MAGI2: variants seen among roughly 807,000 people sequenced by gnomAD.
MAGI2 encodes membrane-associated guanylate kinase, WW and PDZ domain-containing protein 2.
A neutral mutation model predicts 133.3 loss-of-function variants in MAGI2; 35 were observed. The ratio of observed to expected loss-of-function variants is 0.26; its 90% CI spans 0.20 to 0.35. The LOEUF (loss-of-function observed/expected upper bound fraction) is 0.35. Among genes scored for constraint, MAGI2 ranks in the 10% least tolerant of loss-of-function variants. The pLI is 1.00. For synonymous variants in MAGI2, 729 were observed against 710.6 expected (o/e 1.03, Z -0.41); for missense variants, 1,636 against 1,863.4 (o/e 0.88, Z 2.25).
At chr7:78,181,601 G>A (rs1827193582) in intron 13 of MAGI2, among the ~76,000 whole-genome samples, 1 of 152,068 alleles carries the variant, frequency 6.6e-6, no homozygotes, top group African/African-American at 2.4e-5. Flanking sequence ...TTAGAAGTTG[G>A]GTCCTCGGAT....
At chr7:78,608,467 GTA>G (rs202198681) in intron 3 of MAGI2, among the ~76,000 whole-genome samples, 7,153 of 147,796 alleles carry the variant, frequency 0.048, 239 homozygotes, top group East Asian at 0.08. Context: ...ATATGTGTGT[GTA>G]TGTATATATA....
At chr7:78,118,984 T>C (rs557280806) in intron 20 of MAGI2, among the ~76,000 whole-genome samples, 21 of 152,254 alleles carry the variant, frequency 1.4e-4, no homozygotes, top group Non-Finnish European at 2.8e-4. Flanking sequence ...CTAAAAGAAA[T>C]GAACTGTTAA....
intron 2 of MAGI2, among the ~76,000 whole-genome samples, chr7:78,957,230 A>G (rs1340459709): frequency 2.1e-5 from 3 of 143,500 alleles, no homozygotes; most frequent in South Asian, 4.4e-4. Context: ...GCGCCATTGC[A>G]CTCCAGCCTG....
intron 1 of MAGI2, among the ~76,000 whole-genome samples, chr7:79,405,004 T>C (rs771091890): frequency 7.2e-5 from 11 of 152,010 alleles, no homozygotes; most frequent in Non-Finnish European, 1.2e-4. Flanking sequence ...TGGTGCTAGA[T>C]GAAGCCAGGA....
intron 2 of MAGI2, among the ~76,000 whole-genome samples, chr7:78,947,793 T>G (rs1801540633): frequency 6.6e-6 from 1 of 152,100 alleles, no homozygotes; most frequent in African/African-American, 2.4e-5. Flanking sequence ...ATTTTTAAAA[T>G]CAAAATAATG....
At chr7:78,533,610 A>C (rs1797648126) in intron 3 of MAGI2, among the ~76,000 whole-genome samples, 1 of 152,226 alleles carries the variant, frequency 6.6e-6, no homozygotes, top group Non-Finnish European at 1.5e-5. Flanking sequence ...CTGGCTGTTG[A>C]GGACTTGAAA....
chr7:78,788,408 C>A (rs1018853453), intron 2 of MAGI2, among the ~76,000 whole-genome samples: 1 of 152,074 alleles, frequency 6.6e-6, no homozygotes, highest in African/African-American at 2.4e-5. Context: ...TTACTCCATC[C>A]AACATTTCCA....
chr7:78,490,479 A>G (rs1793499288), intron 5 of MAGI2, among the ~76,000 whole-genome samples: 1 of 152,114 alleles, frequency 6.6e-6, no homozygotes, highest in Non-Finnish European at 1.5e-5. Context: ...TAATGATAAA[A>G]TAATATTTTT....
chr7:78,298,744 A>T (rs1199929215), intron 9 of MAGI2, among the ~76,000 whole-genome samples: 1 of 149,980 alleles, frequency 6.7e-6, no homozygotes, highest in Non-Finnish European at 1.5e-5. Context: ...AGCTCAAGTG[A>T]TCCACTCACC....
At chr7:78,413,161 TTAGA>T (rs1798008114) in intron 6 of MAGI2, among the ~76,000 whole-genome samples, 1 of 152,086 alleles carries the variant, frequency 6.6e-6, no homozygotes, top group South Asian at 2.1e-4. Context: ...AAAAGTTGTA[TTAGA>T]TAGTCTTTTA....
Position 78,019,235 on chromosome 7 carries a change from A to C in MAGI2, c.*80T>G. ...GTGGATCTATGCGTGTGACAGTGAA[A>C]ATAAATTAAAACGCCGTGAGACGGA... is the stretch of plus-strand genomic sequence containing the variant. On this transcript the variant is annotated 3_prime_UTR_variant, in exon 22 of 22. Coordinates refer to ENST00000354212, the MANE Select transcript of MAGI2 (RefSeq NM_012301.4). 1 of 1,504,880 alleles carries C rather than the reference A, an allele frequency of 6.6e-7. No individual in the cohort carries two copies. The highest frequency in any genetic ancestry group is 8.9e-7 in the Non-Finnish European group (1 of 1,117,882). 93.2% of individuals were successfully genotyped at this position (1,504,880 alleles called of 1,614,324 possible).
chr7:78,481,300 G>A (rs746152089), intron 6 of MAGI2, among the ~76,000 whole-genome samples: 2 of 151,902 alleles, frequency 1.3e-5, no homozygotes, highest in South Asian at 2.1e-4. Flanking sequence ...CTTACATGGC[G>A]ACAGGTGAGA....
intron 21 of MAGI2, among the ~76,000 whole-genome samples, chr7:78,073,461 T>TAACTATTCATAA (rs1043674953): frequency 3.9e-4 from 60 of 152,186 alleles, no homozygotes; most frequent in Non-Finnish European, 5.9e-5. Flanking sequence ...GTTCTATTCA[T>TAACTATTCATAA]AAAGCCCTGC....
chr7:78,366,025 T>A (rs1435829004), intron 7 of MAGI2, among the ~76,000 whole-genome samples: 1 of 152,202 alleles, frequency 6.6e-6, no homozygotes, highest in Non-Finnish European at 1.5e-5. Context: ...CGTAAGCTTT[T>A]TTTGCTACTG....
chr7:78,511,542 T>C (rs1206479008), intron 4 of MAGI2, among the ~76,000 whole-genome samples: 1 of 117,242 alleles, frequency 8.5e-6, no homozygotes, highest in Non-Finnish European at 1.8e-5. Flanking sequence ...TTTATATATA[T>C]ATATATAAAT....
At chr7:78,814,425 T>A (rs1190561839) in intron 2 of MAGI2, among the ~76,000 whole-genome samples, 2 of 152,224 alleles carry the variant, frequency 1.3e-5, no homozygotes, top group Non-Finnish European at 2.9e-5. Flanking sequence ...ACTTGCTAAC[T>A]GAGTAATTTA....
At chr7:78,677,688 G>A (rs777075674) in intron 2 of MAGI2, among the ~76,000 whole-genome samples, 1 of 151,984 alleles carries the variant, frequency 6.6e-6, no homozygotes, top group Non-Finnish European at 1.5e-5. Flanking sequence ...GGATTTACTG[G>A]GGATTCTTCT....
intron 1 of MAGI2, among the ~76,000 whole-genome samples, chr7:79,325,776 C>T (rs925387481): frequency 7.9e-5 from 12 of 152,076 alleles, no homozygotes; most frequent in African/African-American, 2.9e-4. Flanking sequence ...GGGAATCCTC[C>T]AAATACGCAT....
chr7:78,898,920 C>T (rs767045690), intron 2 of MAGI2, among the ~76,000 whole-genome samples: 1 of 152,092 alleles, frequency 6.6e-6, no homozygotes, highest in Non-Finnish European at 1.5e-5. Context: ...GGTGGAAATA[C>T]TACATAATAA....
Sources: gnomAD v4.1 joint callset for allele counts (sites outside exome capture counted in the v4.1 genomes callset) on GRCh38, gnomAD v4.1.1 for gene constraint, MANE v1.5 for transcripts, NCBI Gene and HGNC (gene_info 2026-07-23, HGNC 2026-07-21) for gene names.